Variants in LRRTM4 observed in about 807,000 individuals in gnomAD.
The protein encoded by LRRTM4 is leucine-rich repeat transmembrane neuronal protein 4.
LRRTM4 carries 25 observed loss-of-function variants against 47.6 expected under a neutral mutation model. The observed-to-expected ratio is 0.53, with a 90% CI of 0.38 to 0.73. The LOEUF (loss-of-function observed/expected upper bound fraction) is 0.73, where lower values mean the gene tolerates loss of function less well. Among genes scored for constraint, LRRTM4 ranks in the 30% least tolerant of loss-of-function variants. LRRTM4 has a pLI of 0.00. For synonymous variants in LRRTM4, 311 were observed against 269.5 expected (o/e 1.15, Z -1.51); for missense variants, 638 against 713.4 (o/e 0.89, Z 1.20).
chr2:76,882,609 T>A (rs914618036), intron 3 of LRRTM4, among the ~76,000 whole-genome samples: 9 of 151,526 alleles, frequency 5.9e-5, no homozygotes, highest in African/African-American at 2.2e-4. Flanking sequence ...GACGCTGAGG[T>A]GGGAGGATTC....
At chr2:77,227,535 T>C (rs1219815790) in intron 3 of LRRTM4, among the ~76,000 whole-genome samples, 1 of 152,062 alleles carries the variant, frequency 6.6e-6, no homozygotes, top group Non-Finnish European at 1.5e-5. Flanking sequence ...TTGTATTTTT[T>C]TTCAAAATCA....
At chr2:77,406,138 G>C (rs1674172897) in intron 3 of LRRTM4, among the ~76,000 whole-genome samples, 1 of 152,042 alleles carries the variant, frequency 6.6e-6, no homozygotes, top group South Asian at 2.1e-4. Context: ...AGTGGTGGTA[G>C]TGGGCTGGGG....
At chr2:77,196,608 G>T (rs1219902524) in intron 3 of LRRTM4, among the ~76,000 whole-genome samples, 3 of 152,112 alleles carry the variant, frequency 2.0e-5, no homozygotes, top group East Asian at 1.9e-4. Flanking sequence ...GCCGGGTATG[G>T]TAGCAGGCAC....
At chr2:76,813,261 G>A (rs945318113) in intron 3 of LRRTM4, among the ~76,000 whole-genome samples, 3 of 152,132 alleles carry the variant, frequency 2.0e-5, no homozygotes, top group African/African-American at 7.2e-5. Context: ...TCACCCCACT[G>A]GGGAATTGTT....
chr2:77,013,471 G>T (rs1372799245), intron 3 of LRRTM4, among the ~76,000 whole-genome samples: 1 of 150,822 alleles, frequency 6.6e-6, no homozygotes, highest in Non-Finnish European at 1.5e-5. Context: ...TCAAATGGAA[G>T]TTGCAGCCAA....
In LRRTM4 at chr2:76,817,505, T is replaced by C. The variant is rs191204577; in HGVS notation, c.1552-68589A>G. Among the ~76,000 whole-genome samples the C allele has an allele frequency of 8.5e-5, 13 of 152,058 alleles. No individual in the cohort carries two copies. In the South Asian group the frequency reaches 1.0e-3, roughly 12 times the overall value. On this transcript the variant is annotated intron_variant, in intron 3 of 3. Coordinates refer to ENST00000409884, the MANE Select transcript of LRRTM4 (RefSeq NM_001134745.3). ...GTACCTCACTTAGTCCTCACAAAAA[T>C]ACTAGTTATTTTTAAATGAAATAAT...
intron 3 of LRRTM4, among the ~76,000 whole-genome samples, chr2:77,481,358 G>A (rs1031004825): frequency 4.6e-5 from 7 of 152,116 alleles, no homozygotes; most frequent in African/African-American, 1.7e-4. Flanking sequence ...CATCTAGTTC[G>A]AGAACCTGCC....
chr2:76,795,294 C>T (rs1015480197), intron 3 of LRRTM4, among the ~76,000 whole-genome samples: 1 of 152,024 alleles, frequency 6.6e-6, no homozygotes, highest in African/African-American at 2.4e-5. Context: ...TTATTGTGTA[C>T]AATATCTTGT....
intron 3 of LRRTM4, among the ~76,000 whole-genome samples, chr2:76,930,477 C>A (rs1674735559): frequency 6.6e-6 from 1 of 151,988 alleles, no homozygotes; most frequent in Admixed American, 6.6e-5. Flanking sequence ...AAGTACAATC[C>A]AACCTAGAGG....
At chr2:76,790,238 C>A (rs566330259) in intron 3 of LRRTM4, among the ~76,000 whole-genome samples, 1 of 152,250 alleles carries the variant, frequency 6.6e-6, no homozygotes, top group East Asian at 1.9e-4. Flanking sequence ...AATAATGAGA[C>A]AGTCATTGGT....
At chr2:77,477,795 C>T (rs1677464560) in intron 3 of LRRTM4, among the ~76,000 whole-genome samples, 1 of 142,748 alleles carries the variant, frequency 7.0e-6, no homozygotes, top group Non-Finnish European at 1.5e-5. Context: ...GCCCAGATCG[C>T]ACCATCACAC....
intron 3 of LRRTM4, among the ~76,000 whole-genome samples, chr2:77,364,382 C>T (rs1672360177): frequency 6.6e-6 from 1 of 152,042 alleles, no homozygotes; most frequent in Non-Finnish European, 1.5e-5. Context: ...TAGAGAACTA[C>T]AGGAAATTGT....
chr2:76,791,315 T>C (rs1322783127), intron 3 of LRRTM4, among the ~76,000 whole-genome samples: 2 of 151,152 alleles, frequency 1.3e-5, no homozygotes, highest in East Asian at 1.9e-4. Flanking sequence ...GGAACCATCA[T>C]TTATCTGAAG....
intron 3 of LRRTM4, among the ~76,000 whole-genome samples, chr2:76,775,333 C>G (rs1326038825): frequency 6.6e-6 from 1 of 152,100 alleles, no homozygotes; most frequent in Non-Finnish European, 1.5e-5. Flanking sequence ...TGTAATGAGT[C>G]TGAAAGGTCC....
intron 3 of LRRTM4, among the ~76,000 whole-genome samples, chr2:76,941,429 A>T (rs1334449964): frequency 6.6e-6 from 1 of 152,146 alleles, no homozygotes; most frequent in East Asian, 1.9e-4. Context: ...CCCGTCATCT[A>T]CATTAGGTAT....
At chr2:77,056,851 A>G (rs1473796767) in intron 3 of LRRTM4, among the ~76,000 whole-genome samples, 1 of 152,194 alleles carries the variant, frequency 6.6e-6, no homozygotes, top group Non-Finnish European at 1.5e-5. Context: ...ATCTATAGGC[A>G]AGGTAAAACT....
At chr2:76,792,962 T>C (rs1675055441) in intron 3 of LRRTM4, among the ~76,000 whole-genome samples, 1 of 152,204 alleles carries the variant, frequency 6.6e-6, no homozygotes, top group Non-Finnish European at 1.5e-5. Flanking sequence ...ATCCTGTCTC[T>C]GTTACTTTGT....
chr2:76,838,794 A>G (rs1375913002), intron 3 of LRRTM4, among the ~76,000 whole-genome samples: 1 of 152,148 alleles, frequency 6.6e-6, no homozygotes, highest in African/African-American at 2.4e-5. Flanking sequence ...ATAACAGCTC[A>G]TGGATGGACT....
intron 3 of LRRTM4, among the ~76,000 whole-genome samples, chr2:77,022,031 A>G (rs1678293578): frequency 6.6e-6 from 1 of 152,180 alleles, no homozygotes; most frequent in South Asian, 2.1e-4. Context: ...TGCTGCTGAT[A>G]AAGACATACC....
Sources: gnomAD v4.1 joint callset for allele counts (sites outside exome capture counted in the v4.1 genomes callset) on GRCh38, gnomAD v4.1.1 for gene constraint, MANE v1.5 for transcripts, NCBI Gene and HGNC (gene_info 2026-07-23, HGNC 2026-07-21) for gene names.